HDAC4: variants seen among roughly 807,000 people sequenced by gnomAD.
The protein encoded by HDAC4 is histone deacetylase 4, also known as histone deacetylase A.
In HDAC4, 16 loss-of-function variants were observed where a neutral mutation model predicts 135.1. The observed-to-expected ratio is 0.12, with a 90% CI of 0.08 to 0.18. HDAC4 has a LOEUF of 0.18. Ranked by LOEUF, HDAC4 falls within the 10% of genes least tolerant of loss-of-function variation. HDAC4 has a pLI of 1.00. For synonymous variants in HDAC4, 685 were observed against 653.4 expected (o/e 1.05, Z -0.74); for missense variants, 1,143 against 1,511.8 (o/e 0.76, Z 4.05).
At chr2:239,210,434 A>G (rs1012745531) in intron 3 of HDAC4, among the ~76,000 whole-genome samples, 1 of 152,266 alleles carries the variant, frequency 6.6e-6, no homozygotes, top group African/African-American at 2.4e-5. Context: ...AAGCATACTT[A>G]CACGGCAAAA....
intron 1 of HDAC4, among the ~76,000 whole-genome samples, chr2:239,395,976 A>C (rs1420519564): frequency 7.9e-5 from 12 of 152,142 alleles, no homozygotes; most frequent in Non-Finnish European, 1.5e-5. Context: ...TTACATATAT[A>C]AACTTTTTTG....
chr2:239,085,953 G>A (rs13401193), intron 19 of HDAC4: 3 of 108,332 alleles, frequency 2.8e-5, no homozygotes, highest in East Asian at 3.0e-4. Context: ...TGACTATCTC[G>A]CACGTACAGT....
intron 3 of HDAC4, among the ~76,000 whole-genome samples, chr2:239,220,548 C>T (rs1039272595): frequency 1.8e-4 from 28 of 152,150 alleles, no homozygotes; most frequent in African/African-American, 6.0e-4. Context: ...ACAGTGACCT[C>T]GGAGAAGATG....
intron 6 of HDAC4, chr2:239,161,692 G>A (rs976744452): frequency 9.4e-6 from 3 of 318,580 alleles, no homozygotes; most frequent in South Asian, 2.6e-5. Context: ...AAGTACCTCC[G>A]GCCCCTGCCA....
intron 3 of HDAC4, among the ~76,000 whole-genome samples, chr2:239,215,617 C>A (rs1004545014): frequency 1.3e-5 from 2 of 152,152 alleles, no homozygotes; most frequent in African/African-American, 4.8e-5. Flanking sequence ...TGAATGGCGG[C>A]AACACTAGGA....
chr2:239,163,163 T>A (rs1483784976), intron 6 of HDAC4, among the ~76,000 whole-genome samples: 2 of 152,172 alleles, frequency 1.3e-5, no homozygotes, highest in African/African-American at 4.8e-5. Flanking sequence ...TTGTGGTCTC[T>A]GTCAATTGCG....
chr2:239,374,092 T>G (rs1205505575), intron 1 of HDAC4, among the ~76,000 whole-genome samples: 4 of 152,112 alleles, frequency 2.6e-5, no homozygotes, highest in Non-Finnish European at 5.9e-5. Flanking sequence ...CTGAGAACAG[T>G]GATGCTATGG....
At position 239,400,486 on chromosome 2, in the gene HDAC4, G is replaced by A. The variant is rs1415733228; in HGVS notation, c.-220+492C>T. 2 of 146,036 alleles carry A rather than the reference G, an allele frequency of 1.4e-5. No homozygotes were observed. Among genetic ancestry groups the A allele is most frequent in the Non-Finnish European group, 3.0e-5 (2 of 65,692 alleles). 9.0% of individuals were successfully genotyped at this position (146,036 alleles called of 1,614,324 possible). On this transcript the variant is annotated intron_variant, in intron 1 of 26. Coordinates refer to ENST00000543185, the MANE Select transcript of HDAC4 (RefSeq NM_001378414.1). This position sits in a 1 kb window ranked among gnomAD's most constrained non-coding sequence, Gnocchi z 4.7. Reference sequence around the variant, plus strand: ...AGCCGCCTCGCGGCGCGGGTGGAAAGGTCCAGAAGGGGCCGGGCGGCCCTG... The same window carrying A: ...AGCCGCCTCGCGGCGCGGGTGGAAAAGTCCAGAAGGGGCCGGGCGGCCCTG...
intron 2 of HDAC4, among the ~76,000 whole-genome samples, chr2:239,284,823 A>AG (rs2051041512): frequency 6.6e-6 from 1 of 152,234 alleles, no homozygotes; most frequent in Non-Finnish European, 1.5e-5. Flanking sequence ...CAGGAAGCTG[A>AG]GGAGAGTCTG....
chr2:239,098,946 A>G (rs891051886), intron 16 of HDAC4, among the ~76,000 whole-genome samples: 2 of 152,280 alleles, frequency 1.3e-5, no homozygotes, highest in Admixed American at 6.5e-5. Context: ...AGGAAAGAAC[A>G]AGAAATAGAA....
At chr2:239,100,213 T>C (rs2037488041) in intron 16 of HDAC4, among the ~76,000 whole-genome samples, 1 of 152,224 alleles carries the variant, frequency 6.6e-6, no homozygotes, top group Non-Finnish European at 1.5e-5. Context: ...TCCTGGCCTC[T>C]GCCTTCCCTG....
At chr2:239,135,699 A>G (rs984248671) in intron 9 of HDAC4, among the ~76,000 whole-genome samples, 1 of 152,324 alleles carries the variant, frequency 6.6e-6, no homozygotes. Flanking sequence ...ATGCCCATGA[A>G]GCCTCCGCTG....
At chr2:239,273,350 A>G (rs2050156764) in intron 2 of HDAC4, among the ~76,000 whole-genome samples, 1 of 152,174 alleles carries the variant, frequency 6.6e-6, no homozygotes, top group Non-Finnish European at 1.5e-5. Flanking sequence ...ACACACAAAA[A>G]CAAACGACAA....
intron 5 of HDAC4, 135 bp from the exon 6 acceptor site, chr2:239,164,058 C>T (rs2042982845): frequency 6.5e-6 from 7 of 1,070,288 alleles, no homozygotes; most frequent in South Asian, 5.1e-5. Flanking sequence ...GCCTCCTGAG[C>T]GCTTCCTCAA....
At chr2:239,119,335 G>A (rs1438083173) in intron 12 of HDAC4, among the ~76,000 whole-genome samples, 3 of 152,190 alleles carry the variant, frequency 2.0e-5, no homozygotes, top group Non-Finnish European at 4.4e-5. Context: ...GGAGGAGGGA[G>A]AGCAGCAGCC....
chr2:239,345,754 ACACCC>A (rs1692587701), intron 2 of HDAC4, among the ~76,000 whole-genome samples: 1 of 146,800 alleles, frequency 6.8e-6, no homozygotes, highest in African/African-American at 2.7e-5. Flanking sequence ...TAAAACACAC[ACACCC>A]CCGTCTCACA....
intron 14 of HDAC4, among the ~76,000 whole-genome samples, chr2:239,110,806 C>T (rs1434588523): frequency 4.6e-5 from 7 of 152,256 alleles, no homozygotes; most frequent in African/African-American, 1.7e-4. Context: ...GCCCTCCTTC[C>T]CTCCTCTCCC....
intron 5 of HDAC4, among the ~76,000 whole-genome samples, chr2:239,172,877 A>G (rs188489412): frequency 6.6e-6 from 1 of 152,312 alleles, no homozygotes; most frequent in Non-Finnish European, 1.5e-5. Flanking sequence ...ACATGACACC[A>G]AAAACCACTA....
At chr2:239,108,301 T>C in intron 14 of HDAC4, 118 bp from the exon 15 acceptor site, 1 of 1,276,028 alleles carries the variant, frequency 7.8e-7, no homozygotes, top group Non-Finnish European at 1.1e-6. Context: ...AGACGGAAGC[T>C]GGGACGGTTC....
Sources: allele counts gnomAD v4.1 joint callset (sites outside exome capture counted in the v4.1 genomes callset), GRCh38; gene constraint gnomAD v4.1.1; non-coding constraint Gnocchi (gnomAD v3.1); transcripts MANE v1.5; gene names NCBI Gene and HGNC (gene_info 2026-07-23, HGNC 2026-07-21).